Variants in CDH18 observed in about 807,000 individuals in gnomAD.
The protein encoded by CDH18 is cadherin 18.
In CDH18, 31 loss-of-function variants were observed where a neutral mutation model predicts 67.9. That is an observed-to-expected ratio of 0.46 (90% confidence interval 0.34 to 0.62). CDH18 has a LOEUF of 0.62. Among genes scored for constraint, CDH18 ranks in the 20% least tolerant of loss-of-function variants. The pLI is 0.01. For synonymous variants in CDH18, 362 were observed against 347.2 expected (o/e 1.04, Z -0.48); for missense variants, 890 against 975.5 (o/e 0.91, Z 1.17).
chr5:20,025,506 A>G (rs1019267341), intron 2 of CDH18, among the ~76,000 whole-genome samples: 1 of 152,198 alleles, frequency 6.6e-6, no homozygotes, highest in Non-Finnish European at 1.5e-5. Context: ...TATAAAACAT[A>G]TAAATTAGCT....
chr5:19,567,375 A>G (rs1442588232), intron 8 of CDH18, among the ~76,000 whole-genome samples: 3 of 152,194 alleles, frequency 2.0e-5, no homozygotes, highest in Non-Finnish European at 4.4e-5. Flanking sequence ...ATAGTAAAAT[A>G]CAAAAGACCG....
intron 8 of CDH18, among the ~76,000 whole-genome samples, chr5:19,553,235 A>T (rs1008365064): frequency 2.0e-5 from 3 of 152,150 alleles, no homozygotes; most frequent in Non-Finnish European, 4.4e-5. Flanking sequence ...TCATTTCAAT[A>T]ACAGCTCTTC....
rs935556306 is a variant in CDH18, at chr5:19,549,442, T to G, written c.1254-5437A>C. On this transcript the variant is annotated intron_variant, in intron 8 of 12. Coordinates refer to ENST00000382275, the MANE Select transcript of CDH18 (RefSeq NM_004934.5). ...TGAGCCAATTAACCTCTTTTCTTTA[T>G]AAATGACCCAGCTTCAGGTATTTTT... is the stretch of plus-strand genomic sequence containing the variant. 4.6e-5 allele frequency among the ~76,000 whole-genome samples: 7 copies of G among 152,100 alleles called. No homozygotes were observed. The South Asian group carries it at 1.4e-3, about 31-fold the overall frequency.
intron 2 of CDH18, among the ~76,000 whole-genome samples, chr5:20,039,563 C>T (rs1234715242): frequency 6.6e-6 from 1 of 152,150 alleles, no homozygotes; most frequent in African/African-American, 2.4e-5. Context: ...ATGATCTGAT[C>T]TTTGACAAAC....
At chr5:20,316,162 T>A (rs559699447) in intron 1 of CDH18, among the ~76,000 whole-genome samples, 1 of 152,248 alleles carries the variant, frequency 6.6e-6, no homozygotes, top group South Asian at 2.1e-4. Context: ...TTAATACACT[T>A]CCAGTATATA....
At chr5:20,340,737 T>G (rs1474942470) in intron 1 of CDH18, among the ~76,000 whole-genome samples, 1 of 152,188 alleles carries the variant, frequency 6.6e-6, no homozygotes, top group Non-Finnish European at 1.5e-5. Flanking sequence ...TTCTGGACAC[T>G]GGAGTGAGCC....
intron 1 of CDH18, among the ~76,000 whole-genome samples, chr5:20,458,838 C>T (rs1454730086): frequency 6.6e-6 from 1 of 152,138 alleles, no homozygotes; most frequent in Non-Finnish European, 1.5e-5. Context: ...ACATTGTTCA[C>T]TATTATGTGC....
chr5:19,838,037 CA>C (rs1248209621), intron 3 of CDH18, among the ~76,000 whole-genome samples: 1 of 152,090 alleles, frequency 6.6e-6, no homozygotes, highest in Non-Finnish European at 1.5e-5. Context: ...TTTGATCAGC[CA>C]TTAAGTTTTC....
At chr5:19,757,732 C>T (rs1269120736) in intron 3 of CDH18, among the ~76,000 whole-genome samples, 1 of 152,216 alleles carries the variant, frequency 6.6e-6, no homozygotes, top group Admixed American at 6.5e-5. Flanking sequence ...TCCGATCATG[C>T]TTCTTCCAAG....
chr5:19,495,480 C>T (rs1742140027), intron 11 of CDH18, among the ~76,000 whole-genome samples: 1 of 151,994 alleles, frequency 6.6e-6, no homozygotes. Flanking sequence ...GTGGTTCACA[C>T]CTGTAATCCC....
Position 19,887,227 on chromosome 5 carries a change from C to T in CDH18, c.-256-47985G>A, listed in dbSNP as rs542966017. Among the ~76,000 whole-genome samples the T allele has an allele frequency of 1.9e-4, 29 of 150,974 alleles. No individual in the cohort carries two copies. The South Asian group carries it at 4.6e-3, about 24-fold the overall frequency. On this transcript the variant is annotated intron_variant, in intron 2 of 12. Transcript: ENST00000382275. ...ACTTATAATTAGCTTATACCAAAAA[C>T]GTAACAGCGCATACTCACTACCAGT...
intron 6 of CDH18, among the ~76,000 whole-genome samples, chr5:19,593,696 T>TTCTTCCTCCTCC (rs1580387292): frequency 2.4e-4 from 4 of 16,870 alleles, no homozygotes; most frequent in East Asian, 0.02. Context: ...TCTCTTCCTC[T>TTCTTCCTCCTCC]TCCTCCTCCT....
intron 1 of CDH18, among the ~76,000 whole-genome samples, chr5:20,336,318 TAGAG>T (rs890200764): frequency 6.6e-5 from 10 of 152,042 alleles, no homozygotes; most frequent in African/African-American, 2.2e-4. Context: ...GTTAGGCAGA[TAGAG>T]AGGGAGAGTC....
intron 7 of CDH18, among the ~76,000 whole-genome samples, chr5:19,586,067 A>G (rs1355861428): frequency 6.6e-6 from 1 of 152,184 alleles, no homozygotes; most frequent in African/African-American, 2.4e-5. Context: ...TAAAAGGACA[A>G]TTATGGGTAT....
At chr5:20,064,664 G>T (rs757902051) in intron 2 of CDH18, among the ~76,000 whole-genome samples, 8 of 151,978 alleles carry the variant, frequency 5.3e-5, no homozygotes, top group Non-Finnish European at 1.2e-4. Flanking sequence ...TTCACAGAAG[G>T]TTTATAGATA....
intron 2 of CDH18, among the ~76,000 whole-genome samples, chr5:20,206,202 G>A (rs75850606): frequency 2.1e-3 from 322 of 151,830 alleles, no homozygotes; most frequent in African/African-American, 7.3e-3. Context: ...ACACTATTGT[G>A]CACAACTATA....
At chr5:20,171,052 A>G (rs1042252982) in intron 2 of CDH18, among the ~76,000 whole-genome samples, 1 of 147,368 alleles carries the variant, frequency 6.8e-6, no homozygotes, top group Non-Finnish European at 1.5e-5. Context: ...TTTTTTTTAT[A>G]TATATATATA....
intron 8 of CDH18, among the ~76,000 whole-genome samples, chr5:19,548,903 T>C (rs347734): frequency 0.75 from 113,098 of 151,746 alleles, 42,229 homozygotes; most frequent in Middle Eastern, 0.77. Flanking sequence ...GCGTTTGCCA[T>C]CATGCCTGGC....
chr5:19,649,799 C>G (rs1755307201), intron 5 of CDH18, among the ~76,000 whole-genome samples: 1 of 151,506 alleles, frequency 6.6e-6, no homozygotes, highest in African/African-American at 2.4e-5. Flanking sequence ...TTTCCTAAAA[C>G]TTCCAGGGTT....
Sources: allele counts gnomAD v4.1 joint callset (sites outside exome capture counted in the v4.1 genomes callset), GRCh38; gene constraint gnomAD v4.1.1; transcripts MANE v1.5; gene names NCBI Gene and HGNC (gene_info 2026-07-23, HGNC 2026-07-21).